MAST4: variants seen among roughly 807,000 people sequenced by gnomAD.
The protein encoded by MAST4 is microtubule associated serine/threonine kinase family member 4.
In MAST4, 89 loss-of-function variants were observed where a neutral mutation model predicts 162.7. The ratio of observed to expected loss-of-function variants is 0.55; its 90% CI spans 0.46 to 0.65. The LOEUF (loss-of-function observed/expected upper bound fraction) is 0.65. Ranked by LOEUF, MAST4 falls within the 30% of genes least tolerant of loss-of-function variation. The probability of loss-of-function intolerance (pLI) is 0.00; values close to 1 mark genes in which losing one functional copy is unlikely to be tolerated. For missense variants in MAST4, 3,153 were observed against 3,374.0 expected (o/e 0.93, Z 1.62); for synonymous variants, 1,479 against 1,361.1 (o/e 1.09, Z -1.91).
chr5:66,981,524 A>G (rs1338013289), intron 4 of MAST4, among the ~76,000 whole-genome samples: 1 of 152,196 alleles, frequency 6.6e-6, no homozygotes, highest in African/African-American at 2.4e-5. Context: ...CACCTGCGCC[A>G]GGGATTTGCC....
chr5:66,808,321 A>G (rs898740733), intron 3 of MAST4, among the ~76,000 whole-genome samples: 12 of 152,318 alleles, frequency 7.9e-5, no homozygotes, highest in African/African-American at 2.6e-4. Flanking sequence ...TCTTGTAGGC[A>G]TGCCCTGTGC....
At chr5:67,077,981 C>G (rs1221106843) in intron 5 of MAST4, among the ~76,000 whole-genome samples, 2 of 152,080 alleles carry the variant, frequency 1.3e-5, no homozygotes, top group African/African-American at 4.8e-5. Flanking sequence ...CGCCTGTATT[C>G]CCAGCTACTA....
chr5:66,748,463 C>CCTTCCTTCT lies in MAST4; in HGVS notation c.364-11229_364-11221dup, dbSNP rs1554048458. Among the ~76,000 whole-genome samples the CCTTCCTTCT allele has an allele frequency of 1.7e-3, 232 of 140,174 alleles. 2 individuals carry two copies. The highest frequency in any genetic ancestry group is 5.6e-3 in the African/African-American group (206 of 36,810). The allele number at this position is 140,174 out of a possible 152,430, so 92.0% of individuals were successfully genotyped here. Reference sequence around the variant, plus strand: ...TCCCTCTCTCCCTCACTCCCTCCTTCCTTCCTTCTCTTCCTTCTCTTCCTT... The same window carrying CCTTCCTTCT: ...TCCCTCTCTCCCTCACTCCCTCCTTCCTTCCTTCTCTTCCTTCTCTTCCTTCTCTTCCTT... On this transcript the variant is annotated intron_variant, in intron 1 of 28. Transcript: ENST00000403625.
At chr5:66,824,332 T>C (rs1757138709) in intron 3 of MAST4, among the ~76,000 whole-genome samples, 1 of 152,174 alleles carries the variant, frequency 6.6e-6, no homozygotes, top group Non-Finnish European at 1.5e-5. Context: ...GTGGTACTCC[T>C]CTCTGTCACA....
chr5:66,828,785 T>C (rs939366406), intron 3 of MAST4: 49 of 1,583,198 alleles, frequency 3.1e-5, no homozygotes, highest in Non-Finnish European at 4.1e-5. Flanking sequence ...CGTGCTGAAG[T>C]AGAGGTAGTA....
chr5:66,870,264 T>C (rs1478603561), intron 3 of MAST4, among the ~76,000 whole-genome samples: 3 of 152,186 alleles, frequency 2.0e-5, no homozygotes, highest in African/African-American at 7.2e-5. Context: ...CTACGAATTC[T>C]GCCAGGATGA....
chr5:66,722,719 C>A (rs1751293837), intron 1 of MAST4, among the ~76,000 whole-genome samples: 1 of 152,174 alleles, frequency 6.6e-6, no homozygotes. Context: ...TTATATCCAG[C>A]ATCCTCATTG....
intron 2 of MAST4, among the ~76,000 whole-genome samples, chr5:66,780,401 A>G (rs1248261636): frequency 6.6e-6 from 1 of 152,194 alleles, no homozygotes; most frequent in Non-Finnish European, 1.5e-5. Context: ...TGAGTGTTAC[A>G]GTTTTTAAAG....
At chr5:66,795,300 A>C (rs1043567443) in intron 3 of MAST4, among the ~76,000 whole-genome samples, 2 of 152,208 alleles carry the variant, frequency 1.3e-5, no homozygotes, top group African/African-American at 4.8e-5. Context: ...TAATTTACTA[A>C]ACTGTTCCCT....
At chr5:67,045,132 T>C (rs1244128823) in intron 4 of MAST4, among the ~76,000 whole-genome samples, 1 of 152,232 alleles carries the variant, frequency 6.6e-6, no homozygotes, top group Non-Finnish European at 1.5e-5. Flanking sequence ...TAGCCAGTCA[T>C]TCAAAAGTAT....
chr5:66,916,083 T>A (rs1223715515), intron 4 of MAST4, among the ~76,000 whole-genome samples: 1 of 152,222 alleles, frequency 6.6e-6, no homozygotes, highest in Non-Finnish European at 1.5e-5. Flanking sequence ...CATTAGTAAT[T>A]CTTATGTTAA....
chr5:66,965,590 G>GGA (rs2150176880), intron 4 of MAST4, among the ~76,000 whole-genome samples: 1 of 121,070 alleles, frequency 8.3e-6, no homozygotes, highest in South Asian at 3.5e-4. Context: ...GTGGGGGCGG[G>GGA]GGGGGGGGCG....
intron 1 of MAST4, among the ~76,000 whole-genome samples, chr5:66,724,418 C>T (rs555456213): frequency 1.7e-4 from 26 of 152,176 alleles, no homozygotes; most frequent in Admixed American, 9.8e-4. Context: ...TGATGAGTTA[C>T]GGATTTTGAT....
At chr5:66,926,110 A>G (rs1764873363) in intron 4 of MAST4, among the ~76,000 whole-genome samples, 1 of 152,136 alleles carries the variant, frequency 6.6e-6, no homozygotes, top group East Asian at 1.9e-4. Context: ...GCTCTCATTT[A>G]CTGGTATGAA....
chr5:66,912,739 CT>C (rs1763858880), intron 4 of MAST4, among the ~76,000 whole-genome samples: 1 of 151,940 alleles, frequency 6.6e-6, no homozygotes. Flanking sequence ...TTTTTTTTCT[CT>C]TTTTTTGTTT....
At chr5:67,010,677 A>T (rs767722297) in intron 4 of MAST4, among the ~76,000 whole-genome samples, 1 of 152,202 alleles carries the variant, frequency 6.6e-6, no homozygotes, top group Non-Finnish European at 1.5e-5. Flanking sequence ...CTTAGTCGGA[A>T]AAAGTCCCCT....
In MAST4 at chr5:66,596,692, C is replaced by A; in HGVS notation, c.37C>A (p.Pro13Thr). The A allele has an allele frequency of 6.8e-7, 1 of 1,472,378 alleles. No individual in the cohort carries two copies. Among genetic ancestry groups the A allele is most frequent in the South Asian group, 1.4e-5 (1 of 72,270 alleles). The allele number at this position is 1,472,378 out of a possible 1,614,324, so 91.2% of individuals were successfully genotyped here. ...EKVSEAPEPV[P>T]RGCSGHGSRT... ...AGTTTCGGAGGCGCCAGAGCCGGTG[C>A]CCCGCGGCTGCAGTGGCCACGGCAG... Residue 13 changes from proline (P) to threonine (T), a missense_variant, in exon 1 of 29, where the codon CCC becomes ACC. Physicochemically the swap from Pro to Thr is conservative, Grantham distance 38. Coordinates refer to ENST00000403625, the MANE Select transcript of MAST4 (RefSeq NM_001164664.2).
In MAST4 at chr5:66,596,479, C is replaced by A. The variant is rs892033160; in HGVS notation, c.-177C>A. ...GCGGCCGGGCCCGGGCGGCTGTGAA[C>A]TTAGCAGCGGGCTCCTGCGGCCCCG... On this transcript the variant is annotated 5_prime_UTR_variant, in exon 1 of 29. Coordinates refer to ENST00000403625, the MANE Select transcript of MAST4 (RefSeq NM_001164664.2). 3 of 767,556 alleles carry A rather than the reference C, an allele frequency of 3.9e-6. No individual in the cohort carries two copies. Among genetic ancestry groups the A allele is most frequent in the East Asian group, 3.4e-5 (1 of 29,430 alleles). The allele number at this position is 767,556 out of a possible 1,614,324, so 47.5% of individuals were successfully genotyped here. A position where few individuals can be genotyped will look rare whatever the true frequency, so the allele number is the denominator to read the frequency against.
chr5:66,971,233 T>TG (rs1747398786), intron 4 of MAST4, among the ~76,000 whole-genome samples: 1 of 152,192 alleles, frequency 6.6e-6, no homozygotes, highest in African/African-American at 2.4e-5. Context: ...TTTTGACTTG[T>TG]GGAGCCCGAT....
Sources: allele counts gnomAD v4.1 joint callset (sites outside exome capture counted in the v4.1 genomes callset), GRCh38; gene constraint gnomAD v4.1.1; transcripts MANE v1.5; gene names NCBI Gene and HGNC (gene_info 2026-07-23, HGNC 2026-07-21).